The following ULK1 variants were observed in gnomAD, a reference collection of about 807,000 sequenced individuals.
The protein encoded by ULK1 is serine/threonine-protein kinase ULK1.
Under a neutral mutation model 117.5 loss-of-function variants are expected in ULK1, and 48 were observed. That is an observed-to-expected ratio of 0.41 (90% CI 0.32 to 0.52). The LOEUF is 0.52. ULK1 is among the 20% of genes least tolerant of loss of function. ULK1 has a pLI of 0.29. For synonymous variants in ULK1, 790 were observed against 637.8 expected (o/e 1.24, Z -3.60); for missense variants, 1,387 against 1,473.4 (o/e 0.94, Z 0.96).
Position 131,917,061 on chromosome 12 carries a change from C to A in ULK1, c.2181C>A (p.Ile727=), listed in dbSNP as rs146595642. 2 of 1,187,422 alleles carry A rather than the reference C, an allele frequency of 1.7e-6. No homozygotes were observed. Among genetic ancestry groups the A allele is most frequent in the Non-Finnish European group, 1.1e-6 (1 of 916,458 alleles). The allele number at this position is 1,187,422 out of a possible 1,614,324, so 73.6% of individuals were successfully genotyped here. Residue 727 remains isoleucine, a splice_region_variant and synonymous_variant, in exon 21 of 28, where the codon ATC becomes ATA. Coordinates refer to ENST00000321867, the MANE Select transcript of ULK1 (RefSeq NM_003565.4). ...TESLQEKPME[I]APSAGFGGSL... The stretch of plus-strand genomic sequence containing the variant: ...GCCTGCAGGAGAAGCCCATGGAGAT[C>A]GGTGTGTGGGTGGGTGGGGCTCGGA...
intron 13 of ULK1, among the ~76,000 whole-genome samples, chr12:131,912,913 A>T (rs544743048): frequency 1.6e-3 from 240 of 152,276 alleles, no homozygotes; most frequent in African/African-American, 5.5e-3. Context: ...GCTGGGGGGC[A>T]GGGCCCCAGG....
At position 131,909,735 on chromosome 12, in the gene ULK1, G is replaced by A. The variant is rs746066959; in HGVS notation, c.667-40G>A. On this transcript the variant is annotated intron_variant, in intron 8 of 27. Transcript: ENST00000321867. ...GAGACCCCGTGGGCTGGTCCCGCTC[G>A]GCCGCAGCCCTGGCAGTCAGGCTGT... The A allele has an allele frequency of 2.2e-4, 347 of 1,547,928 alleles. 6 individuals are homozygous for A. In the South Asian group the frequency reaches 3.1e-3, roughly 14 times the overall value.
At chr12:131,910,100 G>A (rs1889467026) in intron 10 of ULK1, 99 bp downstream of exon 10, 2 of 1,562,984 alleles carry the variant, frequency 1.3e-6, no homozygotes, top group African/African-American at 1.4e-5. Context: ...AGCCCCATGT[G>A]CACACTGCCC....
Position 131,914,488 on chromosome 12 carries a change from AG to A in ULK1, c.1373+12del, listed in dbSNP as rs777017085. On this transcript the variant is annotated intron_variant, in intron 16 of 27. Transcript: ENST00000321867. ...GTTCCAAACACCTCGGTGAGTGTGG[AG>A]CCCCCAGGTAGCCAGGCGTGGCTGG... 9.6e-5 allele frequency: 155 copies of A among 1,609,640 alleles called. No homozygotes were observed. In the Middle Eastern group the frequency reaches 9.9e-4, roughly 10 times the overall value.
intron 4 of ULK1, 131 bp downstream of exon 4, chr12:131,907,055 CGCCCAG>C: frequency 7.8e-7 from 1 of 1,274,418 alleles, no homozygotes; most frequent in Admixed American, 1.9e-5. Context: ...GTCTCACTGT[CGCCCAG>C]GCTGGAGTGC....
At chr12:131,917,595 G>C in intron 22 of ULK1, 41 bp downstream of exon 22, 1 of 1,351,208 alleles carries the variant, frequency 7.4e-7, no homozygotes, top group Middle Eastern at 2.1e-4. Context: ...CTTTTGGGGT[G>C]GTGGCAGCGC....
rs375108812 is a variant in ULK1 at position 131,909,000 on chromosome 12, G to A, written c.564+29G>A. On this transcript the variant is annotated intron_variant, in intron 7 of 27. Coordinates refer to ENST00000321867, the MANE Select transcript of ULK1 (RefSeq NM_003565.4). The stretch of plus-strand genomic sequence containing the variant: ...TGTTTACCTTGGCCGGGCTGTGCCG[G>A]GTGGGCGCCTCTCTGGGCTTGCTGG... 8.9e-5 allele frequency: 144 copies of A among 1,612,766 alleles called. No homozygotes were observed. In the African/African-American group the frequency reaches 1.8e-3, roughly 20 times the overall value.
intron 11 of ULK1, 34 bp downstream of exon 11, chr12:131,910,338 G>A (rs1566120205): frequency 6.2e-7 from 1 of 1,612,330 alleles, no homozygotes; most frequent in Non-Finnish European, 8.5e-7. Context: ...CTCCGCATGG[G>A]CCCTGCATGC....
At chr12:131,916,814 G>C in intron 20 of ULK1, 139 bp from the exon 21 acceptor site, 2 of 975,238 alleles carry the variant, frequency 2.1e-6, no homozygotes, top group Non-Finnish European at 3.0e-6. Context: ...CCTGTAAGCT[G>C]GGGTGACAGG....
At position 131,907,488 on chromosome 12, in the gene ULK1, C is replaced by T. The variant is rs747828135; in HGVS notation, c.280-7C>T. 3 of 1,612,752 alleles carry T rather than the reference C, an allele frequency of 1.9e-6. No homozygotes were observed. Among genetic ancestry groups the T allele is most frequent in the Non-Finnish European group, 2.5e-6 (3 of 1,179,678 alleles). On this transcript the variant is annotated splice_polypyrimidine_tract_variant and splice_region_variant and intron_variant, in intron 4 of 27. Coordinates refer to ENST00000321867, the MANE Select transcript of ULK1 (RefSeq NM_003565.4). Reference sequence around the variant, plus strand: ...CTGCAGCCTGATGCGTGTCTGGTCTCTTGCAGTACTGCAACGGTGGGGACC... The same window carrying T: ...CTGCAGCCTGATGCGTGTCTGGTCTTTTGCAGTACTGCAACGGTGGGGACC...
At chr12:131,898,053 T>G (rs1888946192) in intron 3 of ULK1, 1 of 152,186 alleles carries the variant, frequency 6.6e-6, no homozygotes, top group Non-Finnish European at 1.5e-5. Context: ...GCGGTCCTAT[T>G]TCTTCCTCTG....
intron 10 of ULK1, 38 bp downstream of exon 10, chr12:131,910,039 C>T: frequency 1.9e-6 from 3 of 1,606,168 alleles, no homozygotes; most frequent in Non-Finnish European, 2.5e-6. Flanking sequence ...AGTCCCCCAC[C>T]CTCCTTCCTT....
In ULK1 at chr12:131,922,666, T is replaced by G; in HGVS notation, c.*1305T>G. On this transcript the variant is annotated 3_prime_UTR_variant, in exon 28 of 28. Transcript: ENST00000321867. ...CTGAATCAGTAGATACTTGAACGAG[T>G]CCCCAGTCTGCGGGAGGCAGTGGTG... 1 of 152,818 alleles carries G rather than the reference T, an allele frequency of 6.5e-6. No individual in the cohort carries two copies. The highest frequency in any genetic ancestry group is 1.5e-5 in the Non-Finnish European group (1 of 68,358). 9.5% of individuals were successfully genotyped at this position (152,818 alleles called of 1,614,324 possible). A position where few individuals can be genotyped will look rare whatever the true frequency, so the allele number is the denominator to read the frequency against.
Position 131,921,294 on chromosome 12 carries a change from C to T in ULK1, c.3098-12C>T, listed in dbSNP as rs1890139972. The T allele has an allele frequency of 2.5e-6, 4 of 1,608,074 alleles. No individual in the cohort carries two copies. Among genetic ancestry groups the T allele is most frequent in the Non-Finnish European group, 2.5e-6 (3 of 1,179,942 alleles). On this transcript the variant is annotated splice_polypyrimidine_tract_variant and intron_variant, in intron 27 of 27. Coordinates refer to ENST00000321867, the MANE Select transcript of ULK1 (RefSeq NM_003565.4). ...CTGGGCGTCTCCCTCACACTCCCCT[C>T]TCCCTCCACAGGCAAGCTGTGCATT...
At chr12:131,918,776 GT>G (rs1889987203) in intron 23 of ULK1, 95 bp downstream of exon 23, 1 of 1,180,830 alleles carries the variant, frequency 8.5e-7, no homozygotes, top group Non-Finnish European at 1.1e-6. Flanking sequence ...TGTGTGGGGT[GT>G]CGGGTGTGGG....
intron 3 of ULK1, among the ~76,000 whole-genome samples, chr12:131,896,318 AAGG>A (rs1473879504): frequency 6.6e-6 from 1 of 152,034 alleles, no homozygotes; most frequent in African/African-American, 2.4e-5. Flanking sequence ...CTGGCTGGCC[AAGG>A]AGATGACCTC....
intron 12 of ULK1, 144 bp downstream of exon 12, chr12:131,910,944 T>A: frequency 6.9e-7 from 1 of 1,447,440 alleles, no homozygotes; most frequent in Non-Finnish European, 9.1e-7. Context: ...TTCTGTCAGA[T>A]GTTGAAGCCC....
rs1889146777 is a variant in ULK1, at chr12:131,903,051, T to C, written c.247-3841T>C. ...CTGGGTGGGCCCAGGGGAGGTCAGC[T>C]GTGGCCGGTGAGGCTGTGCTCTCAC... On this transcript the variant is annotated intron_variant, in intron 3 of 27. Transcript: ENST00000321867. This position sits in a 1 kb window ranked among gnomAD's most constrained non-coding sequence, Gnocchi z 6.0. Among the ~76,000 whole-genome samples, 1 of 152,062 alleles carries C rather than the reference T, an allele frequency of 6.6e-6. No individual in the cohort carries two copies. Among genetic ancestry groups the C allele is most frequent in the Admixed American group, 6.5e-5 (1 of 15,268 alleles).
At chr12:131,917,379 G>A in intron 21 of ULK1, 32 bp from the exon 22 acceptor site, 1 of 1,426,664 alleles carries the variant, frequency 7.0e-7, no homozygotes, top group South Asian at 1.5e-5. Context: ...GCGGGAGTCA[G>A]GATGCTCCTG....
Sources: allele counts gnomAD v4.1 joint callset (sites outside exome capture counted in the v4.1 genomes callset), GRCh38; gene constraint gnomAD v4.1.1; non-coding constraint Gnocchi (gnomAD v3.1); transcripts MANE v1.5; gene names NCBI Gene and HGNC (gene_info 2026-07-23, HGNC 2026-07-21).